KNL1: variants seen among roughly 807,000 people sequenced by gnomAD.
The protein encoded by KNL1 is outer kinetochore KNL1 complex subunit KNL1.
KNL1 carries 66 observed loss-of-function variants against 201.3 expected under a neutral mutation model. The ratio of observed to expected loss-of-function variants is 0.33; its 90% confidence interval spans 0.27 to 0.40. KNL1 has a LOEUF of 0.40. KNL1 is among the 10% of genes least tolerant of loss of function. KNL1 has a pLI of 1.00. For synonymous variants in KNL1, 895 were observed against 899.2 expected, an observed-to-expected ratio of 1.00 and a Z score of 0.08; for missense variants, 2,815 against 2,690.5, an observed-to-expected ratio of 1.05 and a Z score of -1.02.
intron 13 of KNL1, among the ~76,000 whole-genome samples, chr15:40,639,686 A>G (rs1014804434): frequency 1.6e-4 from 24 of 151,156 alleles, no homozygotes; most frequent in Non-Finnish European, 2.8e-4. Context: ...AGGTTGGGGG[A>G]CTGCTTGATC....
At chr15:40,607,520 ACT>A (rs1171193282) in intron 4 of KNL1, among the ~76,000 whole-genome samples, 1 of 150,788 alleles carries the variant, frequency 6.6e-6, no homozygotes, top group East Asian at 1.9e-4. Context: ...ACCCAGTAAA[ACT>A]CTCTGTGGAT....
At chr15:40,631,557 C>A (rs1185095698) in intron 13 of KNL1, among the ~76,000 whole-genome samples, 1 of 151,986 alleles carries the variant, frequency 6.6e-6, no homozygotes, top group African/African-American at 2.4e-5. Flanking sequence ...TTAAGCAGTC[C>A]ACCCACCTTG....
intron 13 of KNL1, among the ~76,000 whole-genome samples, chr15:40,635,597 G>A (rs999982797): frequency 6.6e-6 from 1 of 151,978 alleles, no homozygotes; most frequent in African/African-American, 2.4e-5. Flanking sequence ...CAGATGATCC[G>A]CCCGCCTCAG....
intron 6 of KNL1, chr15:40,611,016 A>G: frequency 3.3e-6 from 1 of 306,840 alleles, no homozygotes; most frequent in Non-Finnish European, 6.5e-6. Context: ...TCAAAATGCT[A>G]GGATTACAGG....
In KNL1 at chr15:40,621,538, G is replaced by A. The variant is rs771100665; in HGVS notation, c.1274G>A (p.Cys425Tyr). 1 of 1,611,980 alleles carries A rather than the reference G, an allele frequency of 6.2e-7. No individual in the cohort carries two copies. Among genetic ancestry groups the A allele is most frequent in the Non-Finnish European group, 8.5e-7 (1 of 1,179,096 alleles). The change falls in exon 10 of 26, where the codon TGT (cysteine) becomes TAT (tyrosine). Residue 425 changes from cysteine to tyrosine, a missense_variant. Cys to Tyr is a radical substitution (Grantham distance 194). Transcript: ENST00000399668. ...SIYSNPSIQG[C>Y]KTVFYSSCND... ...TATTCTAATCCATCTATTCAAGGTT[G>A]TAAGACTGTTTTCTATTCTAGTTGT...
At chr15:40,625,931 A>G (rs573958955) in intron 10 of KNL1, 228 of 318,690 alleles carry the variant, frequency 7.2e-4, no homozygotes, top group African/African-American at 4.7e-3. Context: ...TTCAAAAGGT[A>G]TGTATACTGT....
At chr15:40,635,474 C>T (rs1038186260) in intron 13 of KNL1, among the ~76,000 whole-genome samples, 4 of 152,146 alleles carry the variant, frequency 2.6e-5, no homozygotes, top group African/African-American at 4.8e-5. Flanking sequence ...CCTGCCTCAG[C>T]CTCCCAAGTA....
Position 40,636,241 on chromosome 15 carries a change from G to A in KNL1, c.5683-4671G>A, listed in dbSNP as rs1045689273. Among the ~76,000 whole-genome samples, 7 of 152,256 alleles carry A rather than the reference G, an allele frequency of 4.6e-5. No individual in the cohort carries two copies. In the South Asian group the frequency reaches 1.5e-3, roughly 32 times the overall value. Reference sequence around the variant, plus strand: ...AATCATAGTAAGTCCAGGAGAGGAGGGTGGCTTTACACATGGTGCTGAATT... The same window carrying A: ...AATCATAGTAAGTCCAGGAGAGGAGAGTGGCTTTACACATGGTGCTGAATT... On this transcript the variant is annotated intron_variant, in intron 13 of 25. Coordinates refer to ENST00000399668, the MANE Select transcript of KNL1 (RefSeq NM_144508.5).
At chr15:40,602,533 C>A (rs1373730688) in intron 1 of KNL1, among the ~76,000 whole-genome samples, 2 of 123,360 alleles carry the variant, frequency 1.6e-5, no homozygotes, top group East Asian at 2.4e-4. Flanking sequence ...GTCGCCCAGG[C>A]TGGAGTGCAA....
rs557858174 is a variant in KNL1 at position 40,606,470 on chromosome 15, A to G, written c.135+18A>G. 5.0e-5 allele frequency: 68 copies of G among 1,354,688 alleles called. No homozygotes were observed. The South Asian group carries it at 7.9e-4, about 16-fold the overall frequency. 83.9% of individuals were successfully genotyped at this position (1,354,688 alleles called of 1,614,324 possible). The stretch of plus-strand genomic sequence containing the variant: ...GAGTTCAGGTAAGTCTTTTGTGCAA[A>G]TACTTTATAGATGACTATTTTCAGT... On this transcript the variant is annotated intron_variant, in intron 4 of 25. Transcript: ENST00000399668.
intron 14 of KNL1, among the ~76,000 whole-genome samples, chr15:40,644,590 G>A (rs568568577): frequency 3.0e-4 from 46 of 152,342 alleles, no homozygotes; most frequent in African/African-American, 9.1e-4. Context: ...ACTATCACAT[G>A]GGGAGAAACC....
At position 40,620,689 on chromosome 15, in the gene KNL1, C is replaced by A; in HGVS notation, c.425C>A (p.Thr142Lys). Residue 142 changes from threonine to lysine, a missense_variant, in exon 10 of 26, where the codon ACA (threonine) becomes AAA (lysine). Coordinates refer to ENST00000399668, the MANE Select transcript of KNL1 (RefSeq NM_144508.5). ...GAAAGGAAACATGCAAATGACCAGA[C>A]AGTCATTTTTTCAGATGAAAACCAG... ...TRERKHANDQTVIFSDENQMD... is the reference protein window; with the variant it reads ...TRERKHANDQKVIFSDENQMD... The A allele has an allele frequency of 6.2e-7, 1 of 1,601,022 alleles. No homozygotes were observed. Among genetic ancestry groups the A allele is most frequent in the Non-Finnish European group, 8.5e-7 (1 of 1,176,146 alleles).
At chr15:40,635,662 T>C (rs546751156) in intron 13 of KNL1, among the ~76,000 whole-genome samples, 14 of 151,812 alleles carry the variant, frequency 9.2e-5, no homozygotes, top group Middle Eastern at 3.4e-3. Context: ...CTGGGGAATG[T>C]ATTCTTGAGG....
chr15:40,599,345 T>C (rs1219063695), intron 1 of KNL1, among the ~76,000 whole-genome samples: 3 of 151,128 alleles, frequency 2.0e-5, no homozygotes, highest in African/African-American at 7.3e-5. Context: ...TGTTTTGTTT[T>C]GTTTTTTTAA....
In KNL1 at chr15:40,624,929, T is replaced by C. The variant is rs1892689303; in HGVS notation, c.4665T>C (p.His1555=). The change falls in exon 10 of 26, where the codon CAT becomes CAC. Residue 1555 remains histidine (H), a synonymous_variant. Coordinates refer to ENST00000399668, the MANE Select transcript of KNL1 (RefSeq NM_144508.5). The stretch of plus-strand genomic sequence containing the variant: ...TTACATCTAATGTTCCATGTTTTCA[T>C]AGTATCAAACCAAATCTGAATAATT... ...PVITSNVPCF[H]SIKPNLNNLN... 6.2e-7 allele frequency: 1 copy of C among 1,613,402 alleles called. No individual in the cohort carries two copies. Among genetic ancestry groups the C allele is most frequent in the Non-Finnish European group, 8.5e-7 (1 of 1,179,908 alleles).
At chr15:40,625,697 C>T (rs2141727751) in intron 10 of KNL1, 57 bp downstream of exon 10, 1 of 1,389,656 alleles carries the variant, frequency 7.2e-7, no homozygotes, top group Non-Finnish European at 1.0e-6. Flanking sequence ...GTTTTGTTTT[C>T]TTAAATTGTG....
intron 10 of KNL1, among the ~76,000 whole-genome samples, chr15:40,627,427 T>C (rs922740064): frequency 4.0e-5 from 6 of 149,500 alleles, no homozygotes; most frequent in African/African-American, 1.5e-4. Context: ...GGCAGGAGAA[T>C]GGCGTGAACC....
intron 14 of KNL1, among the ~76,000 whole-genome samples, chr15:40,642,137 C>T (rs1893247995): frequency 6.6e-6 from 1 of 152,188 alleles, no homozygotes; most frequent in South Asian, 2.1e-4. Flanking sequence ...CAGTGGCTCA[C>T]GCCTGTAATC....
chr15:40,606,454 TA>T lies in KNL1; in HGVS notation c.135+4del. The T allele has an allele frequency of 6.6e-7, 1 of 1,515,436 alleles. No individual in the cohort carries two copies. Among genetic ancestry groups the T allele is most frequent in the Non-Finnish European group, 9.2e-7 (1 of 1,090,994 alleles). The allele number at this position is 1,515,436 out of a possible 1,614,324, so 93.9% of individuals were successfully genotyped here. On this transcript the variant is annotated splice_donor_region_variant and intron_variant, in intron 4 of 25. Coordinates refer to ENST00000399668, the MANE Select transcript of KNL1 (RefSeq NM_144508.5). ...AGAGGTGGGAATGAAAGAGTTCAGG[TA>T]AGTCTTTTGTGCAAATACTTTATAG...
Sources: gnomAD v4.1 joint callset for allele counts (sites outside exome capture counted in the v4.1 genomes callset) on GRCh38, gnomAD v4.1.1 for gene constraint, MANE v1.5 for transcripts, NCBI Gene and HGNC (gene_info 2026-07-23, HGNC 2026-07-21) for gene names.